Variants in SGIP1 observed in about 807,000 individuals in gnomAD.
SGIP1 encodes SH3-containing GRB2-like protein 3-interacting protein 1.
Under a neutral mutation model 107.5 loss-of-function variants are expected in SGIP1, and 38 were observed. The observed-to-expected ratio is 0.35, with a 90% CI of 0.27 to 0.46. The LOEUF (loss-of-function observed/expected upper bound fraction) is 0.46, where lower values mean the gene tolerates loss of function less well. Among genes scored for constraint, SGIP1 ranks in the 20% least tolerant of loss-of-function variants. The pLI is 1.00. For synonymous variants in SGIP1, 365 were observed against 366.1 expected (o/e 1.00, Z 0.03); for missense variants, 929 against 1,019.5 (o/e 0.91, Z 1.21).
intron 18 of SGIP1, among the ~76,000 whole-genome samples, chr1:66,698,779 A>T (rs1330005681): frequency 6.6e-6 from 1 of 152,118 alleles, no homozygotes; most frequent in East Asian, 1.9e-4. Context: ...CAAATATTAA[A>T]TAGAAGATAT....
chr1:66,707,166 T>C (rs2092580608), intron 18 of SGIP1, among the ~76,000 whole-genome samples: 1 of 152,188 alleles, frequency 6.6e-6, no homozygotes, highest in Non-Finnish European at 1.5e-5. Flanking sequence ...CACTGGGTTA[T>C]GCTCCATTGT....
chr1:66,698,785 G>T (rs1571981745), intron 18 of SGIP1, among the ~76,000 whole-genome samples: 1 of 152,108 alleles, frequency 6.6e-6, no homozygotes, highest in East Asian at 1.9e-4. Flanking sequence ...TTAAATAGAA[G>T]ATATGACTGT....
chr1:66,608,712 T>C (rs1472515369), intron 1 of SGIP1, among the ~76,000 whole-genome samples: 3 of 152,170 alleles, frequency 2.0e-5, no homozygotes, highest in Non-Finnish European at 2.9e-5. Context: ...TTCTGCTGTT[T>C]TTCTAGTCTG....
chr1:66,694,406 T>C (rs2090457909), intron 17 of SGIP1: 2 of 1,586,250 alleles, frequency 1.3e-6, no homozygotes, highest in Non-Finnish European at 1.7e-6. Flanking sequence ...TGTGTTTTTG[T>C]TTTCCATTCG....
chr1:66,534,490 C>A, intron 1 of SGIP1, 122 bp downstream of exon 1: 4 of 1,105,368 alleles, frequency 3.6e-6, no homozygotes, highest in Non-Finnish European at 5.5e-6. Context: ...GTTTTGCAAG[C>A]AGAAATGCTG....
At chr1:66,551,460 A>C (rs2057395773) in intron 1 of SGIP1, among the ~76,000 whole-genome samples, 1 of 152,218 alleles carries the variant, frequency 6.6e-6, no homozygotes, top group Non-Finnish European at 1.5e-5. Context: ...TATGAAAAAT[A>C]TAGTCATTCT....
intron 4 of SGIP1, among the ~76,000 whole-genome samples, chr1:66,636,660 G>A (rs927326648): frequency 3.9e-5 from 6 of 152,126 alleles, no homozygotes; most frequent in Admixed American, 2.0e-4. Context: ...ATTTCTATTG[G>A]GCCGTGCTGT....
At chr1:66,668,846 T>C (rs2083159693) in intron 9 of SGIP1, among the ~76,000 whole-genome samples, 3 of 152,292 alleles carry the variant, frequency 2.0e-5, no homozygotes, top group South Asian at 4.1e-4. Flanking sequence ...AACATACATA[T>C]AACAACAAAC....
At chr1:66,661,844 C>T (rs952157241) in intron 8 of SGIP1, among the ~76,000 whole-genome samples, 1 of 152,124 alleles carries the variant, frequency 6.6e-6, no homozygotes, top group Admixed American at 6.6e-5. Flanking sequence ...TCCTTCACGG[C>T]AATTTTAACT....
chr1:66,601,726 G>A (rs983362275), intron 1 of SGIP1, among the ~76,000 whole-genome samples: 4 of 152,026 alleles, frequency 2.6e-5, no homozygotes, highest in African/African-American at 7.3e-5. Flanking sequence ...ACAAAAAAAA[G>A]CAGAAACAAA....
At chr1:66,622,974 C>T (rs12127884) in intron 1 of SGIP1, among the ~76,000 whole-genome samples, 1 of 152,034 alleles carries the variant, frequency 6.6e-6, no homozygotes, top group Non-Finnish European at 1.5e-5. Flanking sequence ...TGAACATAGT[C>T]TCTTAAATTT....
chr1:66,689,415 A>G, intron 16 of SGIP1, 140 bp downstream of exon 16: 3 of 1,076,974 alleles, frequency 2.8e-6, no homozygotes, highest in African/African-American at 3.2e-5. Context: ...TCACTGCGGT[A>G]TGAGTGTACA....
chr1:66,645,971 G>A (rs1372088084), intron 7 of SGIP1, among the ~76,000 whole-genome samples: 2 of 152,106 alleles, frequency 1.3e-5, no homozygotes, highest in Non-Finnish European at 2.9e-5. Context: ...CTCCCAAGTA[G>A]CTGGGATTAC....
chr1:66,738,270 C>T lies in SGIP1; in HGVS notation c.2032-1065C>T, dbSNP rs146893473. On this transcript the variant is annotated intron_variant, in intron 21 of 24. Coordinates refer to ENST00000371037, the MANE Select transcript of SGIP1 (RefSeq NM_032291.4). ...ACTCCTGCCTTGAGAGTTCAGTCTACCTTCAGGACCCTTCTCCATGGTGAT... is the reference window on the plus strand; with the variant it reads ...ACTCCTGCCTTGAGAGTTCAGTCTATCTTCAGGACCCTTCTCCATGGTGAT... Among the ~76,000 whole-genome samples the T allele has an allele frequency of 6.4e-4, 98 of 152,270 alleles. 1 individual carries two copies. The highest frequency in any genetic ancestry group is 2.0e-3 in the African/African-American group (85 of 41,534).
intron 1 of SGIP1, among the ~76,000 whole-genome samples, chr1:66,614,258 T>C (rs914891603): frequency 6.6e-6 from 1 of 152,210 alleles, no homozygotes; most frequent in African/African-American, 2.4e-5. Flanking sequence ...GGGTTAATTT[T>C]CCAAGAGAGT....
Position 66,743,180 on chromosome 1 carries a change from A to C in SGIP1, c.*85A>C. The C allele has an allele frequency of 3.6e-6, 5 of 1,391,506 alleles. No homozygotes were observed. The highest frequency in any genetic ancestry group is 5.1e-6 in the Non-Finnish European group (5 of 987,368). 86.2% of individuals were successfully genotyped at this position (1,391,506 alleles called of 1,614,324 possible). ...AGATTTTAATTTTGGTTTGATGAAAACAAACCAATATCTGCACTTGGGATA... is the reference window on the plus strand; with the variant it reads ...AGATTTTAATTTTGGTTTGATGAAACCAAACCAATATCTGCACTTGGGATA... On this transcript the variant is annotated 3_prime_UTR_variant, in exon 25 of 25. Transcript: ENST00000371037.
chr1:66,604,653 A>C (rs2066483190), intron 1 of SGIP1, among the ~76,000 whole-genome samples: 1 of 152,176 alleles, frequency 6.6e-6, no homozygotes, highest in East Asian at 1.9e-4. Flanking sequence ...GGGATGATGA[A>C]GTATGTGATG....
At chr1:66,691,223 A>G (rs1280617283) in intron 17 of SGIP1, among the ~76,000 whole-genome samples, 4 of 152,104 alleles carry the variant, frequency 2.6e-5, no homozygotes, top group African/African-American at 4.8e-5. Flanking sequence ...TGCTTGGGAG[A>G]ATCGTTAACT....
intron 19 of SGIP1, among the ~76,000 whole-genome samples, chr1:66,727,898 C>CA (rs36091162): frequency 0.36 from 54,913 of 151,742 alleles, 10,662 homozygotes; most frequent in Non-Finnish European, 0.42. Context: ...AAAGGGATTG[C>CA]AAAAAAGCAT....
Sources: allele counts gnomAD v4.1 joint callset (sites outside exome capture counted in the v4.1 genomes callset), GRCh38; gene constraint gnomAD v4.1.1; transcripts MANE v1.5; gene names NCBI Gene and HGNC (gene_info 2026-07-23, HGNC 2026-07-21).